The following PKIB variants were observed in gnomAD, a reference collection of about 807,000 sequenced individuals.
PKIB encodes the protein cAMP-dependent protein kinase inhibitor beta, also known as PKI-beta.
PKIB carries 2 observed loss-of-function variants against 4.5 expected under a neutral mutation model. The ratio of observed to expected loss-of-function variants is 0.44; its 90% CI spans 0.18 to 1.39. The LOEUF is 1.39. Ranked by LOEUF, PKIB falls within the 40% of genes most tolerant of loss-of-function variation. The pLI is 0.27. For missense variants in PKIB, 94 were observed against 92.6 expected (o/e 1.02, Z -0.06); for synonymous variants, 38 against 36.0 (o/e 1.06, Z -0.20).
upstream of PKIB, among the ~76,000 whole-genome samples, chr6:122,607,157 A>C (rs1774565527): frequency 1.3e-5 from 2 of 152,002 alleles, no homozygotes; most frequent in Non-Finnish European, 2.9e-5. Flanking sequence ...GGGGAGCATT[A>C]AACATTGCAC....
chr6:122,593,836 A>G (rs1223965479), intron 3 of PKIB, among the ~76,000 whole-genome samples: 1 of 152,210 alleles, frequency 6.6e-6, no homozygotes, highest in Admixed American at 6.5e-5. Context: ...CCTGTAGATT[A>G]AGGATGGATC....
At chr6:122,510,996 G>A (rs1441452690) in intron 2 of PKIB, among the ~76,000 whole-genome samples, 1 of 152,114 alleles carries the variant, frequency 6.6e-6, no homozygotes, top group Non-Finnish European at 1.5e-5. Context: ...TAGGTTTAGG[G>A]AGACTGGGGG....
chr6:122,647,359 G>C (rs984699037), intron 2 of PKIB, among the ~76,000 whole-genome samples: 1 of 152,200 alleles, frequency 6.6e-6, no homozygotes. Context: ...GTGAGTGTCC[G>C]ATTGATTAAC....
intron 2 of PKIB, among the ~76,000 whole-genome samples, chr6:122,529,240 G>T (rs1397578515): frequency 6.6e-6 from 1 of 151,964 alleles, no homozygotes; most frequent in Non-Finnish European, 1.5e-5. Context: ...TTTCTTTGTG[G>T]TTTTCATTGC....
At chr6:122,563,317 G>C (rs1490669565) in intron 2 of PKIB, among the ~76,000 whole-genome samples, 1 of 152,166 alleles carries the variant, frequency 6.6e-6, no homozygotes, top group African/African-American at 2.4e-5. Flanking sequence ...GATGTGAACT[G>C]CCCTTGGGTC....
upstream of PKIB, among the ~76,000 whole-genome samples, chr6:122,607,740 T>C (rs1344211508): frequency 6.6e-6 from 1 of 152,234 alleles, no homozygotes; most frequent in East Asian, 1.9e-4. Flanking sequence ...GATGTCCCTT[T>C]GATATAGACT....
At chr6:122,641,422 A>G (rs578048577) in intron 2 of PKIB, among the ~76,000 whole-genome samples, 5 of 152,158 alleles carry the variant, frequency 3.3e-5, no homozygotes, top group Non-Finnish European at 7.3e-5. Context: ...TTATGGCTTT[A>G]TATATTACCA....
At chr6:122,692,886 T>C (rs1184536874) in intron 3 of PKIB, among the ~76,000 whole-genome samples, 2 of 152,258 alleles carry the variant, frequency 1.3e-5, no homozygotes, top group Non-Finnish European at 2.9e-5. Flanking sequence ...TTCTGATTTA[T>C]AAGTTACTAG....
At chr6:122,633,186 CT>C in intron 1 of PKIB, 96 bp from the exon 2 acceptor site, 1 of 152,250 alleles carries the variant, frequency 6.6e-6, no homozygotes, top group African/African-American at 2.4e-5. Flanking sequence ...CTAAGTTAGA[CT>C]TTTTTGTCTA....
chr6:122,589,398 G>T (rs778205289), intron 3 of PKIB, among the ~76,000 whole-genome samples: 13 of 152,088 alleles, frequency 8.5e-5, no homozygotes, highest in Non-Finnish European at 1.6e-4. Context: ...AGATCCATGT[G>T]ATGTGTGTGT....
intron 2 of PKIB, among the ~76,000 whole-genome samples, chr6:122,536,318 A>C (rs1405397962): frequency 6.6e-6 from 1 of 152,226 alleles, no homozygotes; most frequent in Non-Finnish European, 1.5e-5. Flanking sequence ...GTATTGCATC[A>C]CTTCAAAAAT....
At chr6:122,492,930 C>G (rs1282460320) in intron 2 of PKIB, among the ~76,000 whole-genome samples, 1 of 151,952 alleles carries the variant, frequency 6.6e-6, no homozygotes, top group Non-Finnish European at 1.5e-5. Flanking sequence ...ACATTTTAGT[C>G]AGAAGATATG....
intron 1 of PKIB, among the ~76,000 whole-genome samples, chr6:122,626,099 G>T (rs9490503): frequency 0.013 from 1,794 of 138,672 alleles, 39 homozygotes; most frequent in African/African-American, 0.044. Context: ...GATAGATAGA[G>T]ATAGATTAGA....
Position 122,638,029 on chromosome 6 carries a change from G to T in PKIB, c.-76+4662G>T, listed in dbSNP as rs540528578. Among the ~76,000 whole-genome samples the T allele has an allele frequency of 9.9e-5, 15 of 152,202 alleles. No individual in the cohort carries two copies. The South Asian group carries it at 3.1e-3, about 32-fold the overall frequency. On this transcript the variant is annotated intron_variant, in intron 2 of 4. Coordinates refer to ENST00000368452, the MANE Select transcript of PKIB (RefSeq NM_181795.3). ...AAAATAAGTTATCACTAATAAAAAT[G>T]AAATAATTCAATTTCTGTCTTGAAT...
intron 1 of PKIB, among the ~76,000 whole-genome samples, chr6:122,475,427 G>A (rs1440179459): frequency 6.6e-6 from 1 of 152,118 alleles, no homozygotes; most frequent in African/African-American, 2.4e-5. Flanking sequence ...ACTGAGGCAG[G>A]AGGATAGCTT....
intron 2 of PKIB, among the ~76,000 whole-genome samples, chr6:122,655,209 G>A (rs891191478): frequency 6.6e-6 from 1 of 152,148 alleles, no homozygotes. Flanking sequence ...AAAACATATT[G>A]AGGGCCTAAA....
chr6:122,670,498 TTTGTTGTTGTTG>T (rs61201088), intron 2 of PKIB, among the ~76,000 whole-genome samples: 8,529 of 151,200 alleles, frequency 0.056, 255 homozygotes, highest in East Asian at 0.13. Flanking sequence ...ATCACATGTT[TTTGTTGTTGTTG>T]TTGTTGTTGT....
chr6:122,595,028 G>C (rs542425027), intron 3 of PKIB, among the ~76,000 whole-genome samples: 15 of 152,234 alleles, frequency 9.9e-5, no homozygotes, highest in African/African-American at 3.1e-4. Flanking sequence ...TGCAACTCCT[G>C]GTGGCAGCTT....
Position 122,725,129 on chromosome 6 carries a change from T to C in PKIB, c.171T>C (p.Asp57=), listed in dbSNP as rs74776475. 1 of 1,604,802 alleles carries C rather than the reference T, an allele frequency of 6.2e-7. No individual in the cohort carries two copies. ...LKLEALSVKE[D]AKEKDEKTTQ... The stretch of plus-strand genomic sequence containing the variant: ...TATGAATGGAAATTTTTTTTTCAGA[T>C]GCAAAAGAGAAAGATGAAAAAACAA... The change falls in exon 5 of 5, where the codon GAT becomes GAC. Residue 57 remains aspartate (D), a splice_region_variant and synonymous_variant. Coordinates refer to ENST00000368452, the MANE Select transcript of PKIB (RefSeq NM_181795.3).
Sources: allele counts gnomAD v4.1 joint callset (sites outside exome capture counted in the v4.1 genomes callset), GRCh38; gene constraint gnomAD v4.1.1; transcripts MANE v1.5; gene names NCBI Gene and HGNC (gene_info 2026-07-23, HGNC 2026-07-21).